The following SAMD5 variants were observed in gnomAD, a reference collection of about 807,000 sequenced individuals.
The protein encoded by SAMD5 is sterile alpha motif domain-containing protein 5.
A neutral mutation model predicts 11.3 loss-of-function variants in SAMD5; 13 were observed. The observed-to-expected ratio is 1.15, with a 90% CI of 0.75 to 1.83. The LOEUF (loss-of-function observed/expected upper bound fraction) is 1.83, where lower values mean the gene tolerates loss of function less well. Among genes scored for constraint, SAMD5 ranks in the 40% most tolerant of loss-of-function variants. The pLI, the probability that SAMD5 is intolerant of heterozygous loss-of-function variation, is 0.00. For synonymous variants in SAMD5, 129 were observed against 111.3 expected, an observed-to-expected ratio of 1.16 and a Z score of -1.00; for missense variants, 255 against 239.1, an observed-to-expected ratio of 1.07 and a Z score of -0.44.
At chr6:147,870,207 T>A in the SAMD5 span, among the ~76,000 whole-genome samples, 1 of 151,948 alleles carries the variant, frequency 6.6e-6, no homozygotes, top group Non-Finnish European at 1.5e-5. Context: ...GATAGCAAGG[T>A]AACACATACA....
exon 2 of SAMD5, chr6:147,737,511 T>C (rs1333186775): frequency 3.3e-6 from 1 of 299,190 alleles, no homozygotes; most frequent in East Asian, 8.9e-5. Flanking sequence ...TGATGGCACA[T>C]CCAAATAAAA....
At chr6:147,646,717 G>A (rs1351660922) in intron 1 of SAMD5, among the ~76,000 whole-genome samples, 1 of 152,072 alleles carries the variant, frequency 6.6e-6, no homozygotes, top group African/African-American at 2.4e-5. Flanking sequence ...CTCTTTTAAT[G>A]TGTATAAAAT....
intron 1 of SAMD5, among the ~76,000 whole-genome samples, chr6:147,649,788 C>T (rs1790456742): frequency 9.7e-6 from 1 of 102,692 alleles, no homozygotes; most frequent in African/African-American, 3.4e-5. Flanking sequence ...GAGACAACGT[C>T]TCAAAAAAAA....
chr6:147,889,931 A>AT, the SAMD5 span, among the ~76,000 whole-genome samples: 1 of 152,146 alleles, frequency 6.6e-6, no homozygotes, highest in Non-Finnish European at 1.5e-5. Context: ...TCCCTTTGGC[A>AT]TTGGTGTCCC....
the SAMD5 span, among the ~76,000 whole-genome samples, chr6:147,932,705 A>G: frequency 6.6e-6 from 1 of 151,558 alleles, no homozygotes; most frequent in Non-Finnish European, 1.5e-5. Context: ...CCACACCTGC[A>G]CCAGCTGAAC....
At chr6:147,722,927 G>A (rs550896954) in intron 1 of SAMD5, among the ~76,000 whole-genome samples, 7 of 152,270 alleles carry the variant, frequency 4.6e-5, no homozygotes, top group Non-Finnish European at 7.3e-5. Context: ...CTTGGACTTC[G>A]AATTCTTCCA....
intron 1 of SAMD5, among the ~76,000 whole-genome samples, chr6:147,691,363 G>A (rs937205083): frequency 2.0e-5 from 3 of 152,068 alleles, no homozygotes; most frequent in African/African-American, 7.2e-5. Flanking sequence ...GTTTTTCTCA[G>A]TGTATTTTGA....
At chr6:147,822,447 A>T in the SAMD5 span, among the ~76,000 whole-genome samples, 1 of 152,172 alleles carries the variant, frequency 6.6e-6, no homozygotes, top group Non-Finnish European at 1.5e-5. Flanking sequence ...TATGTGGTAA[A>T]TTCTCAATTG....
intron 1 of SAMD5, chr6:147,729,861 G>T (rs1791684156): frequency 2.2e-6 from 1 of 455,712 alleles, no homozygotes; most frequent in Non-Finnish European, 4.4e-6. Context: ...GAGGCAGGTG[G>T]ATCACCTGAG....
chr6:147,513,555 A>G (rs1788121340), intron 1 of SAMD5, among the ~76,000 whole-genome samples: 1 of 152,180 alleles, frequency 6.6e-6, no homozygotes, highest in South Asian at 2.1e-4. Context: ...CACACAGCAC[A>G]CTGCAGCTGT....
the SAMD5 span, among the ~76,000 whole-genome samples, chr6:147,772,935 C>G: frequency 6.6e-6 from 1 of 152,166 alleles, no homozygotes; most frequent in Non-Finnish European, 1.5e-5. Flanking sequence ...TAAGTAAGCA[C>G]TGAGTGCCCG....
chr6:147,765,979 C>T, the SAMD5 span, among the ~76,000 whole-genome samples: 9 of 150,832 alleles, frequency 6.0e-5, no homozygotes, highest in Non-Finnish European at 1.2e-4. Context: ...CAGAAGAAAA[C>T]GTAAGAAAAA....
chr6:147,593,613 T>G (rs1789488123), intron 1 of SAMD5, among the ~76,000 whole-genome samples: 1 of 152,204 alleles, frequency 6.6e-6, no homozygotes, highest in Non-Finnish European at 1.5e-5. Context: ...TCAAGCTGCC[T>G]TCATCTGAAG....
At chr6:147,877,895 CT>C in the SAMD5 span, among the ~76,000 whole-genome samples, 11 of 59,960 alleles carry the variant, frequency 1.8e-4, no homozygotes, top group African/African-American at 8.6e-4. Flanking sequence ...AGATAGATAG[CT>C]AGATAGATAG....
chr6:147,759,193 A>G, the SAMD5 span, among the ~76,000 whole-genome samples: 3 of 152,178 alleles, frequency 2.0e-5, no homozygotes, highest in Admixed American at 2.0e-4. Context: ...CATGCCTCTG[A>G]GTGATAGATG....
At chr6:147,606,046 G>C (rs967930687) in intron 1 of SAMD5, among the ~76,000 whole-genome samples, 12 of 152,050 alleles carry the variant, frequency 7.9e-5, no homozygotes, top group Non-Finnish European at 1.8e-4. Context: ...AATTAGATCG[G>C]TTCTGTTTGA....
intron 1 of SAMD5, among the ~76,000 whole-genome samples, chr6:147,589,901 C>T (rs1243018310): frequency 6.6e-6 from 1 of 152,108 alleles, no homozygotes; most frequent in Non-Finnish European, 1.5e-5. Context: ...CTGCCTAATC[C>T]CAGCAATGAT....
chr6:147,860,846 T>G, the SAMD5 span, among the ~76,000 whole-genome samples: 3 of 152,246 alleles, frequency 2.0e-5, no homozygotes, highest in East Asian at 5.8e-4. Context: ...TAGGAATATG[T>G]CATTTCAAAA....
At chr6:147,611,409 A>G (rs1188822186) in intron 1 of SAMD5, among the ~76,000 whole-genome samples, 2 of 151,902 alleles carry the variant, frequency 1.3e-5, no homozygotes, top group Non-Finnish European at 2.9e-5. Context: ...CTAAAAATAG[A>G]AAAATTAGCC....
Sources: allele counts gnomAD v4.1 joint callset (sites outside exome capture counted in the v4.1 genomes callset), GRCh38; gene constraint gnomAD v4.1.1; transcripts MANE v1.5; gene names NCBI Gene and HGNC (gene_info 2026-07-23, HGNC 2026-07-21).